FAT3: variants seen among roughly 807,000 people sequenced by gnomAD.
FAT3 encodes the protein protocadherin Fat 3.
Under a neutral mutation model 310.2 loss-of-function variants are expected in FAT3, and 95 were observed. The observed-to-expected ratio is 0.31, with a 90% confidence interval of 0.26 to 0.36. The LOEUF (loss-of-function observed/expected upper bound fraction) is 0.36, where lower values mean the gene tolerates loss of function less well. Ranked by LOEUF, FAT3 falls within the 10% of genes least tolerant of loss-of-function variation. The probability of loss-of-function intolerance (pLI) is 1.00; values close to 1 mark genes in which losing one functional copy is unlikely to be tolerated. For synonymous variants in FAT3, 2,314 were observed against 2,192.9 expected (o/e 1.06, Z -1.54); for missense variants, 5,408 against 5,715.6 (o/e 0.95, Z 1.74).
Position 92,352,865 on chromosome 11 carries a change from G to T in FAT3, c.753G>T (p.Lys251Asn). 1 of 1,613,890 alleles carries T rather than the reference G, an allele frequency of 6.2e-7. No homozygotes were observed. The highest frequency in any genetic ancestry group is 1.1e-5 in the South Asian group (1 of 91,074). Reference protein sequence around the residue: ...YGNNGVSSTAKLYVHIERINE... With the variant: ...YGNNGVSSTANLYVHIERINE... ...ACAATGGAGTGAGCAGTACTGCAAA[G>T]CTTTATGTTCACATTGAGCGCATAA... Residue 251 changes from lysine (K) to asparagine (N), a missense_variant, in exon 2 of 28, where the codon AAG (lysine) becomes AAT (asparagine). Lys to Asn is a moderately conservative substitution (Grantham distance 94, BLOSUM62 0). Coordinates refer to ENST00000525166, the MANE Select transcript of FAT3 (RefSeq NM_001367949.2).
intron 3 of FAT3, among the ~76,000 whole-genome samples, chr11:92,631,588 C>A (rs1941561683): frequency 6.6e-6 from 1 of 152,102 alleles, no homozygotes; most frequent in South Asian, 2.1e-4. Flanking sequence ...TCCCCTTCGC[C>A]TTCTGCCATG....
chr11:92,719,928 G>T (rs1450700116), intron 4 of FAT3, among the ~76,000 whole-genome samples: 3 of 152,152 alleles, frequency 2.0e-5, no homozygotes, highest in Non-Finnish European at 4.4e-5. Context: ...AAAGCAAGGA[G>T]TAATGCTGTC....
chr11:92,830,489 C>G (rs1948216823), intron 13 of FAT3, among the ~76,000 whole-genome samples: 1 of 152,112 alleles, frequency 6.6e-6, no homozygotes, highest in Non-Finnish European at 1.5e-5. Flanking sequence ...CCTTAGATTT[C>G]TTTTTTTCCC....
intron 1 of FAT3, among the ~76,000 whole-genome samples, chr11:92,293,684 A>T (rs1424477803): frequency 6.6e-6 from 1 of 151,472 alleles, no homozygotes; most frequent in Non-Finnish European, 1.5e-5. Context: ...CAAGAAAAGG[A>T]TCAGGAGGTC....
chr11:92,438,361 A>T (rs1398922563), intron 2 of FAT3, among the ~76,000 whole-genome samples: 1 of 152,184 alleles, frequency 6.6e-6, no homozygotes. Context: ...AAAGAAGTCC[A>T]GAAAGGGTAT....
chr11:92,557,186 A>G (rs1278037365), intron 3 of FAT3, among the ~76,000 whole-genome samples: 1 of 151,866 alleles, frequency 6.6e-6, no homozygotes, highest in African/African-American at 2.4e-5. Context: ...TTCGGATTTT[A>G]TGGAGGATGT....
chr11:92,661,650 C>A (rs1401043583), intron 3 of FAT3, among the ~76,000 whole-genome samples: 2 of 151,774 alleles, frequency 1.3e-5, no homozygotes, highest in African/African-American at 4.8e-5. Context: ...ATAAATGGTC[C>A]CGTTTCTACC....
At chr11:92,581,993 G>C (rs987432253) in intron 3 of FAT3, among the ~76,000 whole-genome samples, 9 of 152,060 alleles carry the variant, frequency 5.9e-5, no homozygotes, top group East Asian at 5.8e-4. Context: ...AAGGGCTCTT[G>C]GTTACCCATT....
chr11:92,367,316 C>G, intron 2 of FAT3: 1 of 205,858 alleles, frequency 4.9e-6, no homozygotes, highest in Non-Finnish European at 1.0e-5. Context: ...GTAGTAGAGG[C>G]TGGGCATGGT....
intron 2 of FAT3, among the ~76,000 whole-genome samples, chr11:92,507,449 A>G (rs1311752276): frequency 6.6e-6 from 1 of 151,904 alleles, no homozygotes; most frequent in Non-Finnish European, 1.5e-5. Flanking sequence ...ATGTACTCTG[A>G]TGCTTTTATA....
chr11:92,560,134 T>A (rs481822), intron 3 of FAT3, among the ~76,000 whole-genome samples: 59,333 of 152,010 alleles, frequency 0.39, 12,305 homozygotes, highest in Middle Eastern at 0.53. Context: ...GACTTTTTGT[T>A]TTTAGCCATC....
chr11:92,748,212 A>G (rs1945730079), intron 4 of FAT3, among the ~76,000 whole-genome samples: 1 of 152,172 alleles, frequency 6.6e-6, no homozygotes, highest in Non-Finnish European at 1.5e-5. Flanking sequence ...CGTGTCTTCC[A>G]TGGCAGCAGG....
chr11:92,614,560 T>C (rs1940712512), intron 3 of FAT3, among the ~76,000 whole-genome samples: 1 of 152,206 alleles, frequency 6.6e-6, no homozygotes, highest in Non-Finnish European at 1.5e-5. Context: ...TTAGGTTGTT[T>C]GTCATTTTAT....
Position 92,669,307 on chromosome 11 carries a change from C to T in FAT3, c.3608-28077C>T, listed in dbSNP as rs553682027. On this transcript the variant is annotated intron_variant, in intron 3 of 27. Coordinates refer to ENST00000525166, the MANE Select transcript of FAT3 (RefSeq NM_001367949.2). ...CTAGCTTTGTGATCTCACAAAGTCCCTTAATGCATGTAGAGTGATGACTGC... is the reference window on the plus strand; with the variant it reads ...CTAGCTTTGTGATCTCACAAAGTCCTTTAATGCATGTAGAGTGATGACTGC... 1.8e-3 allele frequency among the ~76,000 whole-genome samples: 278 copies of T among 152,294 alleles called. 1 individual carries two copies. Among genetic ancestry groups the T allele is most frequent in the African/African-American group, 6.0e-3 (250 of 41,556 alleles).
At chr11:92,865,834 T>G (rs1455065958) in intron 21 of FAT3, among the ~76,000 whole-genome samples, 1 of 152,234 alleles carries the variant, frequency 6.6e-6, no homozygotes, top group Non-Finnish European at 1.5e-5. Flanking sequence ...TTTCTTCCTG[T>G]GTGTGATGTC....
chr11:92,626,424 T>A (rs1941337522), intron 3 of FAT3, among the ~76,000 whole-genome samples: 3 of 152,078 alleles, frequency 2.0e-5, no homozygotes, highest in Admixed American at 1.3e-4. Flanking sequence ...GAAAGACTAT[T>A]TTTTTAGATC....
chr11:92,873,600 C>A (rs1949448191), intron 22 of FAT3, among the ~76,000 whole-genome samples: 1 of 152,242 alleles, frequency 6.6e-6, no homozygotes, highest in Non-Finnish European at 1.5e-5. Flanking sequence ...TTTGCCTACA[C>A]AGCCCAAATT....
At chr11:92,869,999 A>T (rs1030031948) in intron 22 of FAT3, among the ~76,000 whole-genome samples, 1 of 152,140 alleles carries the variant, frequency 6.6e-6, no homozygotes, top group Admixed American at 6.5e-5. Context: ...ACAAAACTTA[A>T]TTGTTTGAAC....
chr11:92,762,263 G>A (rs1183049612), intron 5 of FAT3, 93 bp downstream of exon 5: 31 of 1,317,472 alleles, frequency 2.4e-5, no homozygotes, highest in Non-Finnish European at 3.2e-5. Context: ...AATCTTTAGA[G>A]TAAAAAGTGA....
Sources: gnomAD v4.1 joint callset for allele counts (sites outside exome capture counted in the v4.1 genomes callset) on GRCh38, gnomAD v4.1.1 for gene constraint, MANE v1.5 for transcripts, NCBI Gene and HGNC (gene_info 2026-07-23, HGNC 2026-07-21) for gene names.